The following CCDC178 variants were observed in gnomAD, a reference collection of about 807,000 sequenced individuals.
The protein encoded by CCDC178 is coiled-coil domain containing 178, also known as coiled-coil domain-containing protein 178.
Under a neutral mutation model 117.4 loss-of-function variants are expected in CCDC178, and 126 were observed. The observed-to-expected ratio is 1.07, with a 90% CI of 0.93 to 1.24. The LOEUF (loss-of-function observed/expected upper bound fraction) is 1.24. Among genes scored for constraint, CCDC178 ranks in the 50% most tolerant of loss-of-function variants. The pLI, the probability that CCDC178 is intolerant of heterozygous loss-of-function variation, is 0.00. For synonymous variants in CCDC178, 283 were observed against 313.4 expected (o/e 0.90, Z 1.02); for missense variants, 1,030 against 986.9 (o/e 1.04, Z -0.59).
intron 21 of CCDC178, among the ~76,000 whole-genome samples, chr18:33,082,996 C>T (rs977501190): frequency 6.6e-6 from 1 of 152,046 alleles, no homozygotes; most frequent in African/African-American, 2.4e-5. Context: ...TCTCTTCATA[C>T]ATACTAAACA....
intron 12 of CCDC178, among the ~76,000 whole-genome samples, chr18:33,292,914 G>A (rs2062054456): frequency 6.6e-6 from 1 of 152,026 alleles, no homozygotes; most frequent in Non-Finnish European, 1.5e-5. Context: ...CTGGGGCAGA[G>A]CAACCACTTG....
chr18:32,965,930 C>T (rs2054803279), intron 22 of CCDC178, among the ~76,000 whole-genome samples: 2 of 148,252 alleles, frequency 1.3e-5, no homozygotes, highest in Admixed American at 1.4e-4. Flanking sequence ...TAAATAAATG[C>T]TTATTTTATA....
chr18:33,180,694 T>C (rs1568038143), intron 20 of CCDC178, among the ~76,000 whole-genome samples: 1 of 152,028 alleles, frequency 6.6e-6, no homozygotes, highest in Non-Finnish European at 1.5e-5. Context: ...CCTAAGAACA[T>C]ATGCCATCAC....
At position 33,102,643 on chromosome 18, in the gene CCDC178, C is replaced by G. The variant is rs78367289; in HGVS notation, c.2239-9733G>C. Among the ~76,000 whole-genome samples, 666 of 151,844 alleles carry G rather than the reference C, an allele frequency of 4.4e-3. 5 individuals are homozygous for G. The highest frequency in any genetic ancestry group is 0.015 in the African/African-American group (637 of 41,478). ...TATGAGCATCTTTACTCACCTGGTA[C>G]TGTTGTTCACATTAGAGCACTGTCC... On this transcript the variant is annotated intron_variant, in intron 20 of 22. Transcript: ENST00000383096.
At chr18:33,298,846 T>C (rs2062140432) in intron 11 of CCDC178, among the ~76,000 whole-genome samples, 1 of 151,746 alleles carries the variant, frequency 6.6e-6, no homozygotes, top group Non-Finnish European at 1.5e-5. Context: ...AATAAAGATA[T>C]AACCAAAAAA....
intron 21 of CCDC178, among the ~76,000 whole-genome samples, chr18:33,024,788 T>G (rs1394244405): frequency 6.7e-6 from 1 of 148,866 alleles, no homozygotes; most frequent in Non-Finnish European, 1.5e-5. Context: ...GGAGTACAGG[T>G]GCCTGCTACC....
At chr18:32,983,400 G>A (rs1773750414) in intron 21 of CCDC178, 2 of 1,137,770 alleles carry the variant, frequency 1.8e-6, no homozygotes, top group South Asian at 2.7e-5. Flanking sequence ...CATTTCAGAA[G>A]TCCGTATTTC....
chr18:33,395,215 C>T (rs999614489), intron 4 of CCDC178, among the ~76,000 whole-genome samples: 5 of 151,012 alleles, frequency 3.3e-5, no homozygotes, highest in African/African-American at 9.7e-5. Flanking sequence ...TTCGTGAAAT[C>T]GGATGGGGAA....
intron 5 of CCDC178, among the ~76,000 whole-genome samples, chr18:33,383,001 G>C (rs977472540): frequency 2.0e-5 from 3 of 151,888 alleles, no homozygotes; most frequent in East Asian, 1.9e-4. Flanking sequence ...GGCAGGGGGA[G>C]GGGATAGCGG....
intron 5 of CCDC178, among the ~76,000 whole-genome samples, chr18:33,373,762 G>T (rs1440949726): frequency 1.3e-5 from 2 of 152,196 alleles, no homozygotes; most frequent in Middle Eastern, 3.4e-3. Flanking sequence ...TTGAATAAAT[G>T]AATAAACAAA....
At chr18:33,015,263 GAAA>G (rs201400818) in intron 21 of CCDC178, among the ~76,000 whole-genome samples, 1 of 84,578 alleles carries the variant, frequency 1.2e-5, no homozygotes, top group Admixed American at 1.4e-4. Flanking sequence ...TTCAAAAGAA[GAAA>G]AAAAAAAAAA....
At position 33,430,437 on chromosome 18, in the gene CCDC178, C is replaced by T. The variant is rs189962477; in HGVS notation, c.-23+9525G>A. 9.2e-4 allele frequency among the ~76,000 whole-genome samples: 140 copies of T among 152,314 alleles called. 1 individual carries two copies. The highest frequency in any genetic ancestry group is 3.1e-3 in the African/African-American group (128 of 41,568). On this transcript the variant is annotated intron_variant, in intron 2 of 22. Coordinates refer to ENST00000383096, the MANE Select transcript of CCDC178 (RefSeq NM_001105528.4). ...GAAATAGGAAAACAATATTTGCCGGCCTCTCTTGAAGACAGTTTCAGGACC... is the reference window on the plus strand; with the variant it reads ...GAAATAGGAAAACAATATTTGCCGGTCTCTCTTGAAGACAGTTTCAGGACC...
intron 12 of CCDC178, among the ~76,000 whole-genome samples, chr18:33,292,055 T>G (rs2060172625): frequency 6.7e-6 from 1 of 148,886 alleles, no homozygotes; most frequent in African/African-American, 2.5e-5. Context: ...AAGAATTACA[T>G]ATGATCCAAC....
intron 14 of CCDC178, among the ~76,000 whole-genome samples, chr18:33,265,754 A>G (rs982531019): frequency 6.6e-6 from 1 of 151,976 alleles, no homozygotes; most frequent in African/African-American, 2.4e-5. Context: ...GGAATTGATC[A>G]TACTTATGTT....
intron 20 of CCDC178, among the ~76,000 whole-genome samples, chr18:33,176,743 G>A (rs1305445943): frequency 6.6e-6 from 1 of 151,948 alleles, no homozygotes; most frequent in African/African-American, 2.4e-5. Context: ...TCATATTTGT[G>A]TTTAGGTCTC....
intron 4 of CCDC178, among the ~76,000 whole-genome samples, chr18:33,390,425 CA>C (rs1434218052): frequency 6.6e-6 from 1 of 152,000 alleles, no homozygotes; most frequent in Admixed American, 6.6e-5. Context: ...AAACTGGAAA[CA>C]ACCTAAATGT....
chr18:33,403,715 G>A (rs879511124), intron 3 of CCDC178, among the ~76,000 whole-genome samples: 2 of 152,188 alleles, frequency 1.3e-5, no homozygotes, highest in Non-Finnish European at 2.9e-5. Flanking sequence ...AAAAACTGGA[G>A]GGTCAGGCTA....
chr18:33,159,655 A>C (rs1016807017), intron 20 of CCDC178, among the ~76,000 whole-genome samples: 1 of 152,022 alleles, frequency 6.6e-6, no homozygotes, highest in Non-Finnish European at 1.5e-5. Flanking sequence ...TAATCCCCTT[A>C]TTTCAAAATC....
chr18:33,279,027 C>A (rs982920849), intron 12 of CCDC178, among the ~76,000 whole-genome samples: 1 of 152,042 alleles, frequency 6.6e-6, no homozygotes, highest in Admixed American at 6.6e-5. Context: ...TGGAAGCATT[C>A]CCTTTGAAAA....
Sources: allele counts gnomAD v4.1 joint callset (sites outside exome capture counted in the v4.1 genomes callset), GRCh38; gene constraint gnomAD v4.1.1; transcripts MANE v1.5; gene names NCBI Gene and HGNC (gene_info 2026-07-23, HGNC 2026-07-21).